The following JAG1 variants were observed in gnomAD, a reference collection of about 807,000 sequenced individuals.
The protein encoded by JAG1 is protein jagged-1.
JAG1 carries 23 observed loss-of-function variants against 148.7 expected under a neutral mutation model. That is an observed-to-expected ratio of 0.15 (90% CI 0.11 to 0.22). The LOEUF is 0.22. Among genes scored for constraint, JAG1 ranks in the 10% least tolerant of loss-of-function variants. The probability of loss-of-function intolerance (pLI) is 1.00; values close to 1 mark genes in which losing one functional copy is unlikely to be tolerated. For synonymous variants in JAG1, 572 were observed against 598.3 expected (o/e 0.96, Z 0.64); for missense variants, 1,054 against 1,611.2 (o/e 0.65, Z 5.92).
chr20:10,642,227 G>A (rs961051133), intron 21 of JAG1, among the ~76,000 whole-genome samples: 2 of 152,156 alleles, frequency 1.3e-5, no homozygotes, highest in East Asian at 1.9e-4. Context: ...TGCCCATGCT[G>A]CATATCATGA....
chr20:10,656,329 A>T, intron 5 of JAG1, 69 bp downstream of exon 5: 1 of 1,294,638 alleles, frequency 7.7e-7, no homozygotes, highest in South Asian at 1.2e-5. Flanking sequence ...GCATAGTCAC[A>T]ATAAAGTCAG....
chr20:10,638,524 C>CA lies in JAG1; in HGVS notation c.*973dup, dbSNP rs754512600. The CA allele has an allele frequency of 3.3e-5, 5 of 152,498 alleles. No homozygotes were observed. Among genetic ancestry groups the CA allele is most frequent in the African/African-American group, 1.2e-4 (5 of 41,396 alleles). The allele number at this position is 152,498 out of a possible 1,614,324, so 9.4% of individuals were successfully genotyped here. On this transcript the variant is annotated 3_prime_UTR_variant, in exon 26 of 26. Transcript: ENST00000254958. ...TCTTTTCAAGTCTAAAGCAGAAAAACAAAAAACAAACAAACAAAAAAACCT... is the reference window on the plus strand; with the variant it reads ...TCTTTTCAAGTCTAAAGCAGAAAAACAAAAAAACAAACAAACAAAAAAACCT...
At chr20:10,672,311 G>A (rs2235810) in intron 2 of JAG1, among the ~76,000 whole-genome samples, 12,995 of 152,252 alleles carry the variant, frequency 0.085, 741 homozygotes, top group Admixed American at 0.12. Flanking sequence ...GAACTGCGCC[G>A]AGTCGCCTTC....
chr20:10,651,819 C>T (rs898719445), intron 7 of JAG1, 125 bp from the exon 8 acceptor site: 7 of 725,240 alleles, frequency 9.7e-6, no homozygotes, highest in African/African-American at 5.2e-5. Context: ...CAAAAGCAAG[C>T]GTGTGATAGA....
chr20:10,658,676 G>A lies in JAG1; in HGVS notation c.486C>T (p.Asn162=). The A allele has an allele frequency of 6.2e-7, 1 of 1,614,258 alleles. No individual in the cohort carries two copies. Among genetic ancestry groups the A allele is most frequent in the African/African-American group, 1.3e-5 (1 of 75,068 alleles). ...TCAGCGTCTGCCACTGCCGGCTGGG[G>A]TTGATCATGCCCGAGTGAGAAGCCT... The part of the protein sequence containing the change: ...IEKASHSGMI[N]PSRQWQTLKQ... Residue 162 remains asparagine (N), a synonymous_variant, in exon 4 of 26, where the codon AAC becomes AAT. Coordinates refer to ENST00000254958, the MANE Select transcript of JAG1 (RefSeq NM_000214.3).
intron 9 of JAG1, 138 bp from the exon 10 acceptor site, chr20:10,649,773 G>T: frequency 1.4e-6 from 1 of 691,896 alleles, no homozygotes; most frequent in Non-Finnish European, 2.6e-6. Flanking sequence ...GATACTAGAG[G>T]TTCCCTCTAT....
In JAG1 at chr20:10,648,438, T is replaced by C. The variant is rs193014653; in HGVS notation, c.1569+111A>G. 875 of 914,516 alleles carry C rather than the reference T, an allele frequency of 9.6e-4. 2 individuals are homozygous for C. The highest frequency in any genetic ancestry group is 6.1e-3 in the Middle Eastern group (19 of 3,140). 56.7% of individuals were successfully genotyped at this position (914,516 alleles called of 1,614,324 possible). A position where few individuals can be genotyped will look rare whatever the true frequency, so the allele number is the denominator to read the frequency against. ...GACTCTCTCATCAATAGGATGTTAA[T>C]AGATGTTAGGAAATTCCAGACACAA... On this transcript the variant is annotated intron_variant, in intron 12 of 25. Transcript: ENST00000254958.
intron 5 of JAG1, among the ~76,000 whole-genome samples, chr20:10,653,572 CGTGGAGG>C (rs373116622): frequency 0.015 from 688 of 47,264 alleles, 8 homozygotes; most frequent in African/African-American, 0.05. Context: ...CCCGGTGGAG[CGTGGAGG>C]GTGGAGGGTG....
At chr20:10,659,869 TGAG>T (rs2122626042) in intron 3 of JAG1, among the ~76,000 whole-genome samples, 1 of 152,282 alleles carries the variant, frequency 6.6e-6, no homozygotes, top group Non-Finnish European at 1.5e-5. Flanking sequence ...TCATCTAGTT[TGAG>T]AAGAGACAGG....
chr20:10,643,728 G>A (rs2067288861), intron 20 of JAG1, 50 bp downstream of exon 20: 1 of 1,411,674 alleles, frequency 7.1e-7, no homozygotes, highest in East Asian at 2.3e-5. Flanking sequence ...GGTGAGGCAT[G>A]GAATGAAGCG....
chr20:10,646,139 A>G (rs549068210), intron 14 of JAG1, 55 bp from the exon 15 acceptor site: 1 of 1,325,798 alleles, frequency 7.5e-7, no homozygotes, highest in Non-Finnish European at 1.1e-6. Context: ...AGCCATAGAC[A>G]AGCACTGTTC....
At chr20:10,672,041 C>A (rs969476782) in intron 2 of JAG1, among the ~76,000 whole-genome samples, 7 of 151,892 alleles carry the variant, frequency 4.6e-5, no homozygotes, top group Admixed American at 3.3e-4. Flanking sequence ...CTACACCACT[C>A]GGGGGCGGGG....
chr20:10,645,038 G>A lies in JAG1; in HGVS notation c.2228-59C>T, dbSNP rs1289256858. 5.2e-6 allele frequency: 8 copies of A among 1,527,524 alleles called. No homozygotes were observed. The highest frequency in any genetic ancestry group is 3.3e-5 in the Admixed American group (2 of 59,906). 94.6% of individuals were successfully genotyped at this position (1,527,524 alleles called of 1,614,324 possible). On this transcript the variant is annotated intron_variant, in intron 17 of 25. Coordinates refer to ENST00000254958, the MANE Select transcript of JAG1 (RefSeq NM_000214.3). The surrounding 1 kb of genome is among the most constrained non-coding windows in gnomAD (Gnocchi z 6.1). ...TGAGTATCCAGAAACAGTCTGGAGG[G>A]GCAAGAACCAGGCCCAGAGAAATAT...
At chr20:10,646,310 G>A (rs2067307992) in intron 14 of JAG1, 1 of 539,380 alleles carries the variant, frequency 1.9e-6, no homozygotes, top group East Asian at 3.4e-5. Flanking sequence ...TTAGTCACCG[G>A]TACTAGGTGA....
chr20:10,648,999 G>T (rs376922002), intron 11 of JAG1, 62 bp downstream of exon 11: 4 of 1,309,960 alleles, frequency 3.1e-6, no homozygotes, highest in Non-Finnish European at 3.3e-6. Context: ...TCCTAGTGTC[G>T]CACAAATCTA....
rs757013345 is a variant in JAG1 at position 10,672,770 on chromosome 20, G to A, written c.318C>T (p.Thr106=). The change falls in exon 2 of 26, where the codon ACC becomes ACT. Residue 106 remains threonine (T), a synonymous_variant. Transcript: ENST00000254958. ...TGCCGCGGCTGGCCTTGAGGTTGAA[G>A]GTGTTGCCCCCGATGACAGGCGTGG... is the stretch of plus-strand genomic sequence containing the variant. ...SGSTPVIGGN[T]FNLKASRGND... 1 of 1,613,140 alleles carries A rather than the reference G, an allele frequency of 6.2e-7. No homozygotes were observed. Among genetic ancestry groups the A allele is most frequent in the Non-Finnish European group, 8.5e-7 (1 of 1,180,044 alleles).
chr20:10,644,856 C>T lies in JAG1; in HGVS notation c.2344+7G>A, dbSNP rs372877582. The T allele has an allele frequency of 4.4e-6, 7 of 1,597,902 alleles. No homozygotes were observed. The Admixed American group carries it at 5.0e-5, about 11-fold the overall frequency. On this transcript the variant is annotated splice_region_variant and intron_variant, in intron 18 of 25. Coordinates refer to ENST00000254958, the MANE Select transcript of JAG1 (RefSeq NM_000214.3). ...CCTGGGAGAGTTCAAGGGGGGAGGA[C>T]ACTCACTCTGAGCACAGATGGGCCC...
rs1212026437 is a variant in JAG1 at position 10,651,584 on chromosome 20, T to C, written c.1117A>G (p.Thr373Ala). Residue 373 changes from threonine (T) to alanine (A), a missense_variant, in exon 8 of 26, where the codon ACA becomes GCA. This residue lies in a region of JAG1 where 245 missense variants were observed against 373.1 expected (regional missense o/e 0.66). Transcript: ENST00000254958. ...ACAGGCTGAAAATTGGACTTACTTG[T>C]AGAGCATGTGGGGCCGGTCCAGCCT... ...SPGWTGPTCS[T>A]NIDDCSPNNC... is the part of the protein sequence containing the mutation. The C allele has an allele frequency of 7.5e-6, 12 of 1,607,094 alleles. No homozygotes were observed. Among genetic ancestry groups the C allele is most frequent in the Admixed American group, 1.7e-5 (1 of 59,980 alleles).
chr20:10,639,359 A>G lies in JAG1; in HGVS notation c.*139T>C. The G allele has an allele frequency of 1.2e-6, 1 of 828,374 alleles. No homozygotes were observed. Among genetic ancestry groups the G allele is most frequent in the Non-Finnish European group, 2.1e-6 (1 of 473,584 alleles). The allele number at this position is 828,374 out of a possible 1,614,324, so 51.3% of individuals were successfully genotyped here. On this transcript the variant is annotated 3_prime_UTR_variant, in exon 26 of 26. Transcript: ENST00000254958. ...GCCAACCACAGAAACTACCATTGCC[A>G]GTGTAAGCCAGCTTGTCAAAACTTA...
Sources: allele counts gnomAD v4.1 joint callset (sites outside exome capture counted in the v4.1 genomes callset), GRCh38; gene constraint gnomAD v4.1.1; regional missense constraint gnomAD v4.1.1; non-coding constraint Gnocchi (gnomAD v3.1); transcripts MANE v1.5; gene names NCBI Gene and HGNC (gene_info 2026-07-23, HGNC 2026-07-21).